LEMD2: variants seen among roughly 807,000 people sequenced by gnomAD.
LEMD2 encodes the protein LEM domain-containing protein 2.
Under a neutral mutation model 58.8 loss-of-function variants are expected in LEMD2, and 34 were observed. That is an observed-to-expected ratio of 0.58 (90% CI 0.44 to 0.77). LEMD2 has a LOEUF of 0.77. Ranked by LOEUF, LEMD2 falls within the 30% of genes least tolerant of loss-of-function variation. The probability of loss-of-function intolerance (pLI) is 0.00; values close to 1 mark genes in which losing one functional copy is unlikely to be tolerated. For missense variants in LEMD2, 629 were observed against 717.9 expected (o/e 0.88, Z 1.42); for synonymous variants, 298 against 308.9 (o/e 0.96, Z 0.37).
In LEMD2 at chr6:33,772,653, G is replaced by A. The variant is rs760198321; in HGVS notation, c.1487C>T (p.Ser496Phe). ...TTATCGCTCTGAGTCAGAGAAGGAA[G>A]AGGGCTTAGTCCATCTCCACACCAG... Reference protein sequence around the residue: ...DMLVWRWTKPSSFSDSER With the variant: ...DMLVWRWTKPFSFSDSER Residue 496 changes from serine to phenylalanine, a missense_variant, in exon 9 of 9, where the codon TCT (serine) becomes TTT (phenylalanine). Around this residue, in one of 2 missense-constraint regions of LEMD2, gnomAD observed 243 missense variants for 336.8 expected, o/e 0.72. Transcript: ENST00000293760. 1 of 1,613,906 alleles carries A rather than the reference G, an allele frequency of 6.2e-7. No homozygotes were observed. Among genetic ancestry groups the A allele is most frequent in the African/African-American group, 1.3e-5 (1 of 74,952 alleles).
rs1767323167 is a variant in LEMD2 at position 33,772,492 on chromosome 6, C to G, written c.*136G>C. 2.5e-5 allele frequency: 20 copies of G among 810,082 alleles called. 1 individual carries two copies. In the South Asian group the frequency reaches 3.1e-4, roughly 13 times the overall value. The allele number at this position is 810,082 out of a possible 1,614,324, so 50.2% of individuals were successfully genotyped here. A position where few individuals can be genotyped will look rare whatever the true frequency, so the allele number is the denominator to read the frequency against. On this transcript the variant is annotated 3_prime_UTR_variant, in exon 9 of 9. Coordinates refer to ENST00000293760, the MANE Select transcript of LEMD2 (RefSeq NM_181336.4). ...AACTCCTCTGAAGAGTATGGCAGAC[C>G]TTTGGAATCGTGTCAGGACGAGACT...
chr6:33,784,261 G>A lies in LEMD2; in HGVS notation c.853+91C>T, dbSNP rs1166679902. The A allele has an allele frequency of 3.0e-6, 3 of 1,011,654 alleles. No homozygotes were observed. The Admixed American group carries it at 5.1e-5, about 17-fold the overall frequency. The allele number at this position is 1,011,654 out of a possible 1,614,324, so 62.7% of individuals were successfully genotyped here. On this transcript the variant is annotated intron_variant, in intron 3 of 8. Transcript: ENST00000293760. ...AGAGACAACCAGGGAGTGTCTCGCT[G>A]GCCAGCAGCAGTGTAACTAAGCCTG...
rs1196102843 is a variant in LEMD2 at position 33,772,127 on chromosome 6, G to C, written c.*501C>G. On this transcript the variant is annotated 3_prime_UTR_variant, in exon 9 of 9. Transcript: ENST00000293760. ...AATTTCTAGCACCTTCCCTCTTCAG[G>C]ATAGAGGCCCAGCCAGCCAGAGCAC... is the stretch of plus-strand genomic sequence containing the variant. The C allele has an allele frequency of 6.4e-6, 1 of 155,244 alleles. No individual in the cohort carries two copies. The highest frequency in any genetic ancestry group is 1.4e-5 in the Non-Finnish European group (1 of 70,086). The allele number at this position is 155,244 out of a possible 1,614,324, so 9.6% of individuals were successfully genotyped here.
rs768890046 is a variant in LEMD2, at chr6:33,777,200, T to C, written c.1196A>G (p.Tyr399Cys). 15 of 1,614,126 alleles carry C rather than the reference T, an allele frequency of 9.3e-6. No individual in the cohort carries two copies. Among genetic ancestry groups the C allele is most frequent in the Non-Finnish European group, 1.2e-5 (14 of 1,180,016 alleles). The change falls in exon 7 of 9, where the codon TAT (tyrosine) becomes TGT (cysteine). Residue 399 changes from tyrosine (Y) to cysteine (C), a missense_variant. By Grantham distance (194) the Tyr-to-Cys change is radical. Coordinates refer to ENST00000293760, the MANE Select transcript of LEMD2 (RefSeq NM_181336.4). ...FLWGLLILLK[Y>C]RWRKLEEEEQ... ...CTCCTCTTCTAACTTTCGCCACCGA[T>C]ATTTTAGGAGAATTAGGAGCCCCCA...
In LEMD2 at chr6:33,772,509, G is replaced by T; in HGVS notation, c.*119C>A. 4.3e-6 allele frequency: 4 copies of T among 929,042 alleles called. No homozygotes were observed. Among genetic ancestry groups the T allele is most frequent in the Admixed American group, 5.0e-5 (2 of 39,772 alleles). 57.5% of individuals were successfully genotyped at this position (929,042 alleles called of 1,614,324 possible). On this transcript the variant is annotated 3_prime_UTR_variant, in exon 9 of 9. Transcript: ENST00000293760. ...TGGCAGACCTTTGGAATCGTGTCAG[G>T]ACGAGACTGAAAGTCAAGGCAAGTG...
At chr6:33,780,448 G>A (rs1751852014) in intron 4 of LEMD2, 2 of 499,420 alleles carry the variant, frequency 4.0e-6, no homozygotes, top group South Asian at 4.1e-5. Flanking sequence ...TCTCGAGGAT[G>A]GAAGCATCAG....
At chr6:33,779,348 T>G (rs1489736057) in intron 5 of LEMD2, 2 of 152,024 alleles carry the variant, frequency 1.3e-5, no homozygotes, top group East Asian at 3.9e-4. Context: ...GGGCTTCTGC[T>G]GGATGCAGTG....
At chr6:33,779,120 G>C (rs1767507008) in intron 5 of LEMD2, 1 of 152,156 alleles carries the variant, frequency 6.6e-6, no homozygotes. Context: ...CACCCTCCAG[G>C]CTGCCTTCCC....
intron 2 of LEMD2, 40 bp from the exon 3 acceptor site, chr6:33,784,467 G>A: frequency 2.6e-6 from 2 of 757,312 alleles, no homozygotes; most frequent in South Asian, 1.5e-5. Flanking sequence ...AGGAGGGGTG[G>A]GTGGGAGGGG....
At chr6:33,776,639 C>G (rs986042878) in intron 8 of LEMD2, 1 of 391,270 alleles carries the variant, frequency 2.6e-6, no homozygotes, top group Non-Finnish European at 4.9e-6. Context: ...TGAGGAGATC[C>G]TTCACTACTT....
At position 33,780,191 on chromosome 6, in the gene LEMD2, C is replaced by A; in HGVS notation, c.931-12G>T. ...CTGCTGGTCACATTCTGTGGGAGGGCGCGGGAGAAGGTTAGTTCGGCGTCT... is the reference window on the plus strand; with the variant it reads ...CTGCTGGTCACATTCTGTGGGAGGGAGCGGGAGAAGGTTAGTTCGGCGTCT... On this transcript the variant is annotated splice_polypyrimidine_tract_variant and intron_variant, in intron 4 of 8. Coordinates refer to ENST00000293760, the MANE Select transcript of LEMD2 (RefSeq NM_181336.4). 1 of 1,577,686 alleles carries A rather than the reference C, an allele frequency of 6.3e-7. No homozygotes were observed. Among genetic ancestry groups the A allele is most frequent in the Admixed American group, 1.8e-5 (1 of 54,984 alleles).
In LEMD2 at chr6:33,788,766, G is replaced by A. The variant is rs1185060436; in HGVS notation, c.351C>T (p.Ser117=). The A allele has an allele frequency of 6.9e-7, 1 of 1,450,122 alleles. No individual in the cohort carries two copies. Among genetic ancestry groups the A allele is most frequent in the Admixed American group, 2.5e-5 (1 of 40,344 alleles). 89.8% of individuals were successfully genotyped at this position (1,450,122 alleles called of 1,614,324 possible). A position where few individuals can be genotyped will look rare whatever the true frequency, so the allele number is the denominator to read the frequency against. The part of the protein sequence containing the change: ...IRPSAASWVG[S]RGLAYPARPA... ...GGCGGGCAGGATAGGCGAGGCCGCG[G>A]CTCCCTACCCAGGAAGCCGCGGAGG... is the stretch of plus-strand genomic sequence containing the variant. The change falls in exon 1 of 9, where the codon AGC becomes AGT. Residue 117 remains serine, a synonymous_variant. Coordinates refer to ENST00000293760, the MANE Select transcript of LEMD2 (RefSeq NM_181336.4).
chr6:33,786,673 CT>C, intron 2 of LEMD2, 60 bp downstream of exon 2: 1 of 1,329,640 alleles, frequency 7.5e-7, no homozygotes, highest in Non-Finnish European at 1.1e-6. Flanking sequence ...GGAAGTTTAC[CT>C]CCTGATGGAG....
Position 33,772,582 on chromosome 6 carries a change from G to C in LEMD2, c.*46C>G. ...GTGACCCTCCTGTGCCTCTGGAGTG[G>C]GCTGTCCTGGGACAGGCTGACCGGG... On this transcript the variant is annotated 3_prime_UTR_variant, in exon 9 of 9. Coordinates refer to ENST00000293760, the MANE Select transcript of LEMD2 (RefSeq NM_181336.4). 2.5e-6 allele frequency: 4 copies of C among 1,582,614 alleles called. No individual in the cohort carries two copies. Among genetic ancestry groups the C allele is most frequent in the Non-Finnish European group, 3.4e-6 (4 of 1,161,512 alleles).
chr6:33,784,666 T>C (rs1167102800), intron 2 of LEMD2: 5 of 451,384 alleles, frequency 1.1e-5, no homozygotes, highest in Non-Finnish European at 2.0e-5. Flanking sequence ...GCAGACACTG[T>C]AACCAAGGGG....
chr6:33,788,690 C>T lies in LEMD2; in HGVS notation c.427G>A (p.Glu143Lys), dbSNP rs1582266089. 2.2e-6 allele frequency: 3 copies of T among 1,358,970 alleles called. No individual in the cohort carries two copies. Among genetic ancestry groups the T allele is most frequent in the Non-Finnish European group, 1.9e-6 (2 of 1,054,270 alleles). 84.2% of individuals were successfully genotyped at this position (1,358,970 alleles called of 1,614,324 possible). A position where few individuals can be genotyped will look rare whatever the true frequency, so the allele number is the denominator to read the frequency against. The change falls in exon 1 of 9, where the codon GAG becomes AAG. Residue 143 changes from glutamate (E) to lysine (K), a missense_variant. Glu to Lys is a moderately conservative substitution (Grantham distance 56). This residue lies in a region of LEMD2 where 386 missense variants were observed against 381.1 expected (regional missense o/e 1.01). Coordinates refer to ENST00000293760, the MANE Select transcript of LEMD2 (RefSeq NM_181336.4). ...GCCCTGTCGGGCGTCCGGGCGTCCTCGTCCTCCTCGGAGCTGCCCCGGACC... is the reference window on the plus strand; with the variant it reads ...GCCCTGTCGGGCGTCCGGGCGTCCTTGTCCTCCTCGGAGCTGCCCCGGACC... ...ASVRGSSEED[E>K]DARTPDRATQ...
intron 1 of LEMD2, 200 bp from the exon 2 acceptor site, chr6:33,786,974 C>G: frequency 4.8e-6 from 6 of 1,245,146 alleles, no homozygotes; most frequent in Non-Finnish European, 6.4e-6. Context: ...TTAGGAATTA[C>G]GATAGCTGGG....
chr6:33,786,033 T>C (rs1015013814), intron 2 of LEMD2, among the ~76,000 whole-genome samples: 4 of 152,220 alleles, frequency 2.6e-5, no homozygotes, highest in African/African-American at 4.8e-5. Flanking sequence ...AGGCCAGGCA[T>C]TGCACACTTA....
intron 5 of LEMD2, 130 bp downstream of exon 5, chr6:33,779,970 T>C (rs954994340): frequency 1.3e-6 from 1 of 741,214 alleles, no homozygotes; most frequent in South Asian, 1.7e-5. Context: ...CTAACCCACA[T>C]GATTCTGCTG....
Sources: gnomAD v4.1 joint callset for allele counts (sites outside exome capture counted in the v4.1 genomes callset) on GRCh38, gnomAD v4.1.1 for gene constraint, gnomAD v4.1.1 regional missense constraint, MANE v1.5 for transcripts, NCBI Gene and HGNC (gene_info 2026-07-23, HGNC 2026-07-21) for gene names.